The following DHRSX variants were observed in gnomAD, a reference collection of about 807,000 sequenced individuals.
The protein encoded by DHRSX is dehydrogenase/reductase X-linked.
A neutral mutation model predicts 34.0 loss-of-function variants in DHRSX; 31 were observed. The ratio of observed to expected loss-of-function variants is 0.91; its 90% CI spans 0.69 to 1.23. The LOEUF is 1.23. Ranked by LOEUF, DHRSX falls within the 50% of genes most tolerant of loss-of-function variation. The pLI, the probability that DHRSX is intolerant of heterozygous loss-of-function variation, is 0.00. For synonymous variants in DHRSX, 201 were observed against 183.8 expected, an observed-to-expected ratio of 1.09 and a Z score of -0.76; for missense variants, 414 against 428.1, an observed-to-expected ratio of 0.97 and a Z score of 0.29.
At chrX:2,436,087 G>A (rs185789069) in intron 1 of DHRSX, among the ~76,000 whole-genome samples, 3 of 151,834 alleles carry the variant, frequency 2.0e-5, no homozygotes, top group African/African-American at 4.8e-5. Context: ...CAGCTACTCG[G>A]GAAGCTGAGG....
intron 3 of DHRSX, among the ~76,000 whole-genome samples, chrX:2,349,983 A>C (rs71205274): frequency 6.7e-6 from 1 of 149,994 alleles, no homozygotes. Context: ...AGCTTGCAGT[A>C]AGCCGAGATC....
intron 3 of DHRSX, among the ~76,000 whole-genome samples, chrX:2,378,668 T>C (rs1379630795): frequency 6.6e-6 from 1 of 152,116 alleles, no homozygotes; most frequent in Non-Finnish European, 1.5e-5. Flanking sequence ...TATTTTTTTC[T>C]CTTGATTAAT....
chrX:2,355,540 A>C (rs1305205508), intron 3 of DHRSX, among the ~76,000 whole-genome samples: 3 of 126,322 alleles, frequency 2.4e-5, no homozygotes, highest in African/African-American at 9.6e-5. Flanking sequence ...AAAAAAAAAA[A>C]AAAAAGACTA....
chrX:2,360,075 T>C (rs1459514849), intron 3 of DHRSX, among the ~76,000 whole-genome samples: 1 of 152,070 alleles, frequency 6.6e-6, no homozygotes, highest in East Asian at 1.9e-4. Context: ...AAAATGGTTT[T>C]TAAAAATTAT....
chrX:2,495,797 T>G (rs899422675), intron 1 of DHRSX, among the ~76,000 whole-genome samples: 1 of 151,564 alleles, frequency 6.6e-6, no homozygotes, highest in African/African-American at 2.4e-5. Context: ...GGGGGGACAC[T>G]CCCCAAAACG....
At chrX:2,342,455 T>G (rs138397037) in intron 3 of DHRSX, among the ~76,000 whole-genome samples, 1,990 of 152,172 alleles carry the variant, frequency 0.013, 54 homozygotes, top group African/African-American at 0.045. Flanking sequence ...GACCATGAGT[T>G]CGACGGTGCC....
chrX:2,286,957 G>A (rs2041811618), intron 4 of DHRSX, among the ~76,000 whole-genome samples: 1 of 152,234 alleles, frequency 6.6e-6, no homozygotes, highest in South Asian at 2.1e-4. Flanking sequence ...GAATTCCAGG[G>A]AGGCGTGTGA....
At chrX:2,348,066 A>T (rs2042742955) in intron 3 of DHRSX, among the ~76,000 whole-genome samples, 1 of 152,158 alleles carries the variant, frequency 6.6e-6, no homozygotes, top group African/African-American at 2.4e-5. Flanking sequence ...CAGGCAGGGA[A>T]CCCAAGCCAG....
rs1427777579 is a variant in DHRSX, at chrX:2,249,799, C to G, written c.597-6569G>C. 2.6e-5 allele frequency among the ~76,000 whole-genome samples: 4 copies of G among 151,620 alleles called. No homozygotes were observed. The East Asian group carries it at 8.0e-4, about 30-fold the overall frequency. On this transcript the variant is annotated intron_variant, in intron 5 of 6. Coordinates refer to ENST00000334651, the MANE Select transcript of DHRSX (RefSeq NM_145177.3). Reference sequence around the variant, plus strand: ...TTGGCCTCCCAAAGTGCTGGGATTACAAGCGTGAGCCAACGCACCTGGCCT... The same window carrying G: ...TTGGCCTCCCAAAGTGCTGGGATTAGAAGCGTGAGCCAACGCACCTGGCCT...
At position 2,220,667 on chromosome X, in the gene DHRSX, G is replaced by A. The variant is rs1245346770; in HGVS notation, c.*374C>T. ...AACAGGAGACCTCATCCACCACTAG[G>A]TCTCAGAGAGGACATTGCAGCCCCT... On this transcript the variant is annotated 3_prime_UTR_variant, in exon 7 of 7. Transcript: ENST00000334651. The A allele has an allele frequency of 1.4e-5, 3 of 211,386 alleles. No homozygotes were observed. The highest frequency in any genetic ancestry group is 2.8e-5 in the Non-Finnish European group (3 of 106,396). The allele number at this position is 211,386 out of a possible 1,614,324, so 13.1% of individuals were successfully genotyped here.
chrX:2,292,366 G>T (rs1364337237), intron 3 of DHRSX, among the ~76,000 whole-genome samples: 2 of 152,158 alleles, frequency 1.3e-5, no homozygotes, highest in Non-Finnish European at 2.9e-5. Flanking sequence ...AGGACCTCAG[G>T]CCAGATGACA....
At chrX:2,500,536 GGCGGGGAGGCCACACGC>G in intron 1 of DHRSX, 1 of 163,744 alleles carries the variant, frequency 6.1e-6, no homozygotes, top group East Asian at 1.7e-4. Flanking sequence ...ACCCGGGACA[GGCGGGGAGGCCACACGC>G]GCGGGGAGGG....
At chrX:2,465,211 C>T (rs2044474331) in intron 1 of DHRSX, among the ~76,000 whole-genome samples, 1 of 152,020 alleles carries the variant, frequency 6.6e-6, no homozygotes, top group Non-Finnish European at 1.5e-5. Context: ...TGTGGGTGTA[C>T]CACACACTTC....
At position 2,291,325 on chromosome X, in the gene DHRSX, A is replaced by G. The variant is rs190162981; in HGVS notation, c.388+177T>C. On this transcript the variant is annotated intron_variant, in intron 4 of 6. Coordinates refer to ENST00000334651, the MANE Select transcript of DHRSX (RefSeq NM_145177.3). ...ATTATTTCAAAGTAACATGCTAACA[A>G]GAATGATGCTCTTCCAAAGCTATCC... is the stretch of plus-strand genomic sequence containing the variant. Among the ~76,000 whole-genome samples the G allele has an allele frequency of 3.4e-3, 513 of 152,372 alleles. 2 individuals carry two copies. Among genetic ancestry groups the G allele is most frequent in the African/African-American group, 0.012 (485 of 41,588 alleles).
intron 3 of DHRSX, among the ~76,000 whole-genome samples, chrX:2,299,270 C>T (rs1210515628): frequency 1.3e-5 from 2 of 152,050 alleles, no homozygotes; most frequent in East Asian, 1.9e-4. Flanking sequence ...AAATCTTAAC[C>T]CTAACGGAGT....
chrX:2,292,570 G>C (rs1051312027), intron 3 of DHRSX, among the ~76,000 whole-genome samples: 2 of 151,812 alleles, frequency 1.3e-5, no homozygotes, highest in Non-Finnish European at 2.9e-5. Flanking sequence ...TTCTGCAGTA[G>C]AGGAATATAG....
intron 1 of DHRSX, among the ~76,000 whole-genome samples, chrX:2,448,404 C>T (rs1039247737): frequency 6.6e-6 from 1 of 152,060 alleles, no homozygotes; most frequent in African/African-American, 2.4e-5. Flanking sequence ...ATCTATCACA[C>T]CACAGTGATC....
chrX:2,266,608 C>T lies in DHRSX; in HGVS notation c.596+132G>A, dbSNP rs759181039. 69 of 896,226 alleles carry T rather than the reference C, an allele frequency of 7.7e-5. No individual in the cohort carries two copies. In the African/African-American group the frequency reaches 9.1e-4, roughly 12 times the overall value. The allele number at this position is 896,226 out of a possible 1,614,324, so 55.5% of individuals were successfully genotyped here. ...CCCCAAAGCACCAGTGCTCGGCAGA[C>T]GCAGGGAGCACTGTTCCCAGAGCAC... On this transcript the variant is annotated intron_variant, in intron 5 of 6. Transcript: ENST00000334651.
chrX:2,343,383 C>A (rs943317848), intron 3 of DHRSX, among the ~76,000 whole-genome samples: 6 of 150,876 alleles, frequency 4.0e-5, no homozygotes, highest in African/African-American at 1.5e-4. Context: ...ATAAGTGACT[C>A]CACCTTAGAA....
Sources: gnomAD v4.1 joint callset for allele counts (sites outside exome capture counted in the v4.1 genomes callset) on GRCh38, gnomAD v4.1.1 for gene constraint, MANE v1.5 for transcripts, NCBI Gene and HGNC (gene_info 2026-07-23, HGNC 2026-07-21) for gene names.